The following TMTC4 variants were observed in gnomAD, a reference collection of about 807,000 sequenced individuals.
The protein encoded by TMTC4 is transmembrane O-mannosyltransferase targeting cadherins 4, also known as protein O-mannosyl-transferase TMTC4.
TMTC4 carries 65 observed loss-of-function variants against 86.0 expected under a neutral mutation model. That is an observed-to-expected ratio of 0.76 (90% CI 0.62 to 0.93). The LOEUF (loss-of-function observed/expected upper bound fraction) is 0.93. TMTC4 is among the 40% of genes least tolerant of loss of function. The pLI is 0.00. For missense variants in TMTC4, 866 were observed against 948.1 expected, an observed-to-expected ratio of 0.91 and a Z score of 1.14; for synonymous variants, 379 against 382.5, an observed-to-expected ratio of 0.99 and a Z score of 0.11.
intron 6 of TMTC4, among the ~76,000 whole-genome samples, chr13:100,650,736 G>C (rs1419941866): frequency 3.9e-5 from 6 of 152,220 alleles, no homozygotes; most frequent in African/African-American, 1.2e-4. Context: ...AAGAAACAGG[G>C]AAAAGAGAAT....
chr13:100,637,055 A>T (rs1882324943), intron 9 of TMTC4, among the ~76,000 whole-genome samples: 1 of 152,168 alleles, frequency 6.6e-6, no homozygotes, highest in Non-Finnish European at 1.5e-5. Flanking sequence ...TCACCTATAC[A>T]CCCAATAACA....
At chr13:100,637,174 T>G (rs1468075116) in intron 9 of TMTC4, among the ~76,000 whole-genome samples, 1 of 152,098 alleles carries the variant, frequency 6.6e-6, no homozygotes, top group East Asian at 1.9e-4. Flanking sequence ...TCTAAAAGAA[T>G]AGTCTTGACA....
At chr13:100,663,811 C>A (rs547687998) in intron 4 of TMTC4, among the ~76,000 whole-genome samples, 112 of 152,208 alleles carry the variant, frequency 7.4e-4, no homozygotes, top group African/African-American at 2.6e-3. Flanking sequence ...CAAGTGGCTC[C>A]CTGATTAACG....
At chr13:100,637,400 G>A (rs1029559086) in intron 9 of TMTC4, 138 bp downstream of exon 9, 37 of 1,173,356 alleles carry the variant, frequency 3.2e-5, no homozygotes, top group Non-Finnish European at 4.1e-5. Flanking sequence ...TTTAGTGATC[G>A]CAAGCAAACA....
intron 15 of TMTC4, chr13:100,623,872 C>T: frequency 2.0e-6 from 1 of 492,614 alleles, no homozygotes; most frequent in Non-Finnish European, 4.1e-6. Context: ...TTCACAGATG[C>T]ACCCACTATT....
At chr13:100,614,878 GA>G (rs1262311106) in intron 15 of TMTC4, 33 of 979,140 alleles carry the variant, frequency 3.4e-5, no homozygotes, top group Non-Finnish European at 3.8e-5. Context: ...GTATTACTTA[GA>G]ATAGTGAACA....
intron 6 of TMTC4, among the ~76,000 whole-genome samples, chr13:100,650,669 G>T (rs1028609709): frequency 6.6e-6 from 1 of 152,196 alleles, no homozygotes; most frequent in African/African-American, 2.4e-5. Flanking sequence ...AAGAAGTCAG[G>T]CTTGCTGGTC....
chr13:100,662,882 C>T (rs1293919671), intron 5 of TMTC4, 82 bp downstream of exon 5: 3 of 1,477,152 alleles, frequency 2.0e-6, no homozygotes, highest in East Asian at 4.5e-5. Context: ...ATAAAGGGAG[C>T]CTGTTTTAGG....
chr13:100,630,696 T>A (rs908392441), intron 12 of TMTC4, among the ~76,000 whole-genome samples: 1 of 152,180 alleles, frequency 6.6e-6, no homozygotes, highest in Non-Finnish European at 1.5e-5. Context: ...GACGCCCGCC[T>A]CTTCCGCCCC....
intron 2 of TMTC4, among the ~76,000 whole-genome samples, chr13:100,669,216 A>T (rs191445310): frequency 6.6e-6 from 1 of 152,328 alleles, no homozygotes; most frequent in East Asian, 1.9e-4. Context: ...TGTGTGTGGC[A>T]GGGGAGAGGG....
intron 15 of TMTC4, among the ~76,000 whole-genome samples, chr13:100,622,325 C>T (rs1057206271): frequency 5.3e-5 from 8 of 152,164 alleles, no homozygotes. Context: ...GTGGTATCTT[C>T]CTGTGGCATA....
In TMTC4 at chr13:100,641,989, C is replaced by T. The variant is rs141756798; in HGVS notation, c.741+222G>A. Reference sequence around the variant, plus strand: ...TAAGAACTCCTCATTCACCATTTCTCCCCAGTTGCACATGACTGTCAAGAA... The same window carrying T: ...TAAGAACTCCTCATTCACCATTTCTTCCCAGTTGCACATGACTGTCAAGAA... On this transcript the variant is annotated intron_variant, in intron 7 of 18. Transcript: ENST00000342624. Among the ~76,000 whole-genome samples, 1,174 of 152,334 alleles carry T rather than the reference C, an allele frequency of 7.7e-3. 12 individuals carry two copies. The highest frequency in any genetic ancestry group is 0.027 in the African/African-American group (1,109 of 41,586).
chr13:100,668,601 G>A lies in TMTC4; in HGVS notation c.197C>T (p.Ser66Leu), dbSNP rs1886685263. 1.9e-6 allele frequency: 3 copies of A among 1,614,156 alleles called. No individual in the cohort carries two copies. Among genetic ancestry groups the A allele is most frequent in the Non-Finnish European group, 2.5e-6 (3 of 1,180,026 alleles). Residue 66 changes from serine (S) to leucine (L), a missense_variant, in exon 3 of 19, where the codon TCA becomes TTA. Coordinates refer to ENST00000342624, the MANE Select transcript of TMTC4 (RefSeq NM_032813.5). ...AACCTTATTGTTAACAATAGCTTCT[G>A]AGTCATCAAAGACAAAGTCTCCATC... The part of the protein sequence containing the change: ...SYDGDFVFDD[S>L]EAIVNNKDLQ...
intron 7 of TMTC4, chr13:100,638,292 G>A (rs1388048911): frequency 3.1e-6 from 1 of 321,554 alleles, no homozygotes; most frequent in Non-Finnish European, 5.7e-6. Flanking sequence ...ATTCAGGATA[G>A]CTAGAAATTT....
chr13:100,611,988 T>C (rs906432746), intron 17 of TMTC4, among the ~76,000 whole-genome samples: 1 of 152,208 alleles, frequency 6.6e-6, no homozygotes, highest in Non-Finnish European at 1.5e-5. Flanking sequence ...CTCCAGCCCA[T>C]GTGCAAGTGA....
chr13:100,674,254 G>A (rs1199206599), intron 1 of TMTC4: 31 of 979,464 alleles, frequency 3.2e-5, no homozygotes, highest in South Asian at 4.7e-5. Context: ...GCGCGGCGGG[G>A]GAGCCGCCGC....
chr13:100,628,277 T>C (rs756349919), intron 12 of TMTC4, among the ~76,000 whole-genome samples: 3 of 152,232 alleles, frequency 2.0e-5, no homozygotes, highest in Non-Finnish European at 4.4e-5. Flanking sequence ...GTGCCTCATG[T>C]AAGTGGAATT....
chr13:100,655,613 C>T (rs1885011465), intron 6 of TMTC4, among the ~76,000 whole-genome samples: 1 of 152,148 alleles, frequency 6.6e-6, no homozygotes, highest in Non-Finnish European at 1.5e-5. Flanking sequence ...TGGGGAGACC[C>T]TTACCCCAGG....
At chr13:100,648,685 A>T (rs1032338100) in intron 6 of TMTC4, among the ~76,000 whole-genome samples, 1 of 152,150 alleles carries the variant, frequency 6.6e-6, no homozygotes, top group South Asian at 2.1e-4. Flanking sequence ...AATTTTTGGT[A>T]TATTTTTGTT....
Sources: allele counts gnomAD v4.1 joint callset (sites outside exome capture counted in the v4.1 genomes callset), GRCh38; gene constraint gnomAD v4.1.1; transcripts MANE v1.5; gene names NCBI Gene and HGNC (gene_info 2026-07-23, HGNC 2026-07-21).